The following CERS3 variants were observed in gnomAD, a reference collection of about 807,000 sequenced individuals.
CERS3 encodes ceramide synthase 3.
Under a neutral mutation model 50.3 loss-of-function variants are expected in CERS3, and 33 were observed. The observed-to-expected ratio is 0.66, with a 90% CI of 0.50 to 0.88. The LOEUF is 0.88. CERS3 is among the 40% of genes least tolerant of loss of function. The probability of loss-of-function intolerance (pLI) is 0.00; values close to 1 mark genes in which losing one functional copy is unlikely to be tolerated. For missense variants in CERS3, 470 were observed against 460.3 expected, an observed-to-expected ratio of 1.02 and a Z score of -0.19; for synonymous variants, 176 against 155.2, an observed-to-expected ratio of 1.13 and a Z score of -0.99.
intron 10 of CERS3, among the ~76,000 whole-genome samples, chr15:100,465,822 C>T (rs1430413691): frequency 6.6e-6 from 1 of 152,106 alleles, no homozygotes; most frequent in Non-Finnish European, 1.5e-5. Context: ...TCACACCCGG[C>T]TAATTTTTGT....
At chr15:100,483,784 A>ATTTT (rs1335617514) in intron 5 of CERS3, among the ~76,000 whole-genome samples, 1,513 of 89,270 alleles carry the variant, frequency 0.017, 74 homozygotes, top group African/African-American at 0.067. Context: ...AATTATTATT[A>ATTTT]TTATTTTTTT....
At position 100,408,991 on chromosome 15, in the gene CERS3, C is replaced by T. The variant is rs899846261; in HGVS notation, c.1000-6126G>A. On this transcript the variant is annotated intron_variant, in intron 11 of 11. Transcript: ENST00000679737. ...GGTACACAGGATGAAAAGCCAGACT[C>T]TAAGCTTACACACCTTGAACAGCAA... Among the ~76,000 whole-genome samples, 4 of 152,270 alleles carry T rather than the reference C, an allele frequency of 2.6e-5. No individual in the cohort carries two copies. In the East Asian group the frequency reaches 7.7e-4, roughly 29 times the overall value.
intron 11 of CERS3, among the ~76,000 whole-genome samples, chr15:100,406,557 T>A (rs1275879680): frequency 6.6e-6 from 1 of 152,094 alleles, no homozygotes; most frequent in Admixed American, 6.6e-5. Flanking sequence ...AGAAAGGGTG[T>A]CAAAATGAAC....
intron 11 of CERS3, among the ~76,000 whole-genome samples, chr15:100,441,817 T>G (rs1324785064): frequency 6.6e-6 from 1 of 151,878 alleles, no homozygotes; most frequent in Non-Finnish European, 1.5e-5. Context: ...CAGTCTGTGT[T>G]CCCAGTGCAA....
chr15:100,482,694 G>A (rs949841396), intron 5 of CERS3, among the ~76,000 whole-genome samples: 2 of 152,072 alleles, frequency 1.3e-5, no homozygotes, highest in Admixed American at 1.3e-4. Flanking sequence ...AGTCACCAAG[G>A]AACAAACACA....
At chr15:100,524,941 G>T (rs780382283) in intron 1 of CERS3, among the ~76,000 whole-genome samples, 8 of 152,142 alleles carry the variant, frequency 5.3e-5, no homozygotes, top group Non-Finnish European at 8.8e-5. Context: ...TATCACATAT[G>T]ATTTTTCTTC....
chr15:100,419,047 C>A (rs2032195346), intron 11 of CERS3, among the ~76,000 whole-genome samples: 1 of 124,194 alleles, frequency 8.1e-6, no homozygotes, highest in Non-Finnish European at 1.7e-5. Flanking sequence ...CACCAGCTAA[C>A]ATCATAATGA....
intron 11 of CERS3, among the ~76,000 whole-genome samples, chr15:100,406,366 C>G (rs1029070702): frequency 2.0e-5 from 3 of 152,142 alleles, no homozygotes; most frequent in Non-Finnish European, 2.9e-5. Context: ...CCTTTTGTGA[C>G]CTGCAGACTA....
chr15:100,449,939 A>G (rs1376290639), intron 11 of CERS3, among the ~76,000 whole-genome samples: 1 of 152,202 alleles, frequency 6.6e-6, no homozygotes, highest in Non-Finnish European at 1.5e-5. Context: ...ATATAATTAT[A>G]TTAAAGAACC....
chr15:100,472,366 G>A (rs2034997187), intron 9 of CERS3, among the ~76,000 whole-genome samples: 2 of 152,054 alleles, frequency 1.3e-5, no homozygotes, highest in South Asian at 4.2e-4. Context: ...TTTTGTGTGG[G>A]GTGAGATTAG....
At chr15:100,510,790 C>T (rs1253041241) in intron 2 of CERS3, among the ~76,000 whole-genome samples, 1 of 152,174 alleles carries the variant, frequency 6.6e-6, no homozygotes, top group Non-Finnish European at 1.5e-5. Flanking sequence ...CTCATTAGCC[C>T]TGGGCCATTC....
intron 8 of CERS3, among the ~76,000 whole-genome samples, chr15:100,474,041 G>A (rs1206747138): frequency 6.6e-6 from 1 of 152,114 alleles, no homozygotes; most frequent in Non-Finnish European, 1.5e-5. Context: ...AAAAGACCAG[G>A]TATTATATAA....
intron 1 of CERS3, among the ~76,000 whole-genome samples, chr15:100,527,557 A>G (rs946334602): frequency 6.6e-6 from 1 of 152,220 alleles, no homozygotes; most frequent in Non-Finnish European, 1.5e-5. Context: ...ATGGAATAGA[A>G]TGGGAATATA....
chr15:100,458,613 C>T (rs751445179), intron 10 of CERS3, among the ~76,000 whole-genome samples: 1 of 151,162 alleles, frequency 6.6e-6, no homozygotes, highest in Admixed American at 6.6e-5. Context: ...TGTAATAACT[C>T]GATTGCTTTT....
upstream of CERS3, among the ~76,000 whole-genome samples, chr15:100,531,365 G>A (rs1230686563): frequency 1.3e-5 from 2 of 152,184 alleles, no homozygotes; most frequent in Admixed American, 6.5e-5. Context: ...TTGTGCTAGA[G>A]GAATGAGAGT....
chr15:100,488,487 A>G (rs946655331), intron 4 of CERS3, among the ~76,000 whole-genome samples: 2 of 152,210 alleles, frequency 1.3e-5, no homozygotes, highest in African/African-American at 4.8e-5. Context: ...GCAAAGTGCT[A>G]TCTGCATGAC....
intron 11 of CERS3, among the ~76,000 whole-genome samples, chr15:100,418,645 TG>T (rs1255260241): frequency 1.5e-5 from 2 of 133,122 alleles, no homozygotes; most frequent in African/African-American, 5.5e-5. Flanking sequence ...TCACCAAAGT[TG>T]AAATCAAGGA....
Position 100,400,958 on chromosome 15 carries a change from G to C in CERS3, c.*1755C>G, listed in dbSNP as rs548212880. On this transcript the variant is annotated 3_prime_UTR_variant, in exon 12 of 12. Transcript: ENST00000679737. ...TGTTATACAGAGAAAATCTGACCTT[G>C]TTTGTAACAATTTCTCAGAAAGAGA... is the stretch of plus-strand genomic sequence containing the variant. The C allele has an allele frequency of 6.6e-6, 1 of 152,208 alleles. No homozygotes were observed. Among genetic ancestry groups the C allele is most frequent in the South Asian group, 2.1e-4 (1 of 4,820 alleles). 9.4% of individuals were successfully genotyped at this position (152,208 alleles called of 1,614,324 possible).
chr15:100,444,233 T>G (rs943231349), intron 11 of CERS3, among the ~76,000 whole-genome samples: 5 of 152,106 alleles, frequency 3.3e-5, no homozygotes, highest in Non-Finnish European at 5.9e-5. Context: ...TCTCATAACT[T>G]CCAAAATCTA....
Sources: allele counts gnomAD v4.1 joint callset (sites outside exome capture counted in the v4.1 genomes callset), GRCh38; gene constraint gnomAD v4.1.1; transcripts MANE v1.5; gene names NCBI Gene and HGNC (gene_info 2026-07-23, HGNC 2026-07-21).